Variants in SEM1 observed in about 807,000 individuals in gnomAD.
SEM1 encodes 26S proteasome complex subunit SEM1.
SEM1 carries 3 observed loss-of-function variants against 12.7 expected under a neutral mutation model. The ratio of observed to expected loss-of-function variants is 0.24; its 90% CI spans 0.11 to 0.61. The LOEUF is 0.61. SEM1 is among the 20% of genes least tolerant of loss of function. The pLI, the probability that SEM1 is intolerant of heterozygous loss-of-function variation, is 0.88. For missense variants in SEM1, 59 were observed against 81.3 expected (o/e 0.73, Z 1.06); for synonymous variants, 30 against 27.8 (o/e 1.08, Z -0.25).
chr7:96,585,582 A>T (rs577287260), intron 2 of SEM1, among the ~76,000 whole-genome samples: 1 of 152,210 alleles, frequency 6.6e-6, no homozygotes, highest in Non-Finnish European at 1.5e-5. Context: ...GCTGCCTTGC[A>T]GTTTGATCTC....
chr7:96,597,350 G>A (rs1807032710), intron 2 of SEM1, among the ~76,000 whole-genome samples: 1 of 152,150 alleles, frequency 6.6e-6, no homozygotes, highest in Non-Finnish European at 1.5e-5. Context: ...GAACTTGGAA[G>A]AGGCATATCA....
intron 1 of SEM1, chr7:96,697,296 TTTGGCTAG>T (rs1306067883): frequency 6.6e-6 from 1 of 152,098 alleles, no homozygotes. Context: ...CTTTCTTCAC[TTTGGCTAG>T]TTGAGAATTA....
chr7:96,572,120 C>T (rs568426335), intron 2 of SEM1, among the ~76,000 whole-genome samples: 7 of 152,140 alleles, frequency 4.6e-5, no homozygotes, highest in Non-Finnish European at 7.4e-5. Flanking sequence ...TCTGTGGGAT[C>T]GGTGGTGATA....
chr7:96,632,777 G>GTTTTT (rs1437758372), intron 2 of SEM1, among the ~76,000 whole-genome samples: 1 of 99,048 alleles, frequency 1.0e-5, no homozygotes, highest in African/African-American at 3.2e-5. Context: ...TTTTTTTGTT[G>GTTTTT]TTTTTTGTTT....
downstream of SEM1, among the ~76,000 whole-genome samples, chr7:96,685,388 G>A (rs1201420127): frequency 6.6e-6 from 1 of 152,104 alleles, no homozygotes; most frequent in Non-Finnish European, 1.5e-5. Context: ...AAACATTTAT[G>A]TCTGTATCAA....
At chr7:96,582,778 A>C (rs1398560888) in intron 2 of SEM1, among the ~76,000 whole-genome samples, 7 of 152,202 alleles carry the variant, frequency 4.6e-5, no homozygotes, top group Admixed American at 2.0e-4. Context: ...TTGTAGTATT[A>C]TCTTATGGTA....
At chr7:96,698,302 T>C in intron 1 of SEM1, among the ~76,000 whole-genome samples, 1 of 152,110 alleles carries the variant, frequency 6.6e-6, no homozygotes, top group East Asian at 1.9e-4. Flanking sequence ...AATGTACAGG[T>C]CCGTTACATA....
intron 2 of SEM1, among the ~76,000 whole-genome samples, chr7:96,624,081 A>C (rs1368744916): frequency 6.6e-6 from 1 of 152,168 alleles, no homozygotes; most frequent in Non-Finnish European, 1.5e-5. Context: ...TTTCCAAATA[A>C]GGTAACATTC....
intron 2 of SEM1, among the ~76,000 whole-genome samples, chr7:96,511,805 GCA>G (rs1026822267): frequency 1.6e-4 from 24 of 152,144 alleles, no homozygotes; most frequent in African/African-American, 5.1e-4. Flanking sequence ...TCACTGGGTT[GCA>G]CAGTCTGTCC....
intron 2 of SEM1, among the ~76,000 whole-genome samples, chr7:96,592,033 C>CT (rs1806845426): frequency 6.6e-6 from 1 of 152,018 alleles, no homozygotes; most frequent in African/African-American, 2.4e-5. Context: ...TAAAGAGGTG[C>CT]TGACAAGAGG....
intron 2 of SEM1, among the ~76,000 whole-genome samples, chr7:96,520,671 G>C (rs1440726105): frequency 6.6e-6 from 1 of 152,126 alleles, no homozygotes; most frequent in Non-Finnish European, 1.5e-5. Flanking sequence ...TATAGGTTAA[G>C]AGGCAGCATA....
At chr7:96,557,906 T>C (rs1296120118) in intron 2 of SEM1, among the ~76,000 whole-genome samples, 1 of 152,196 alleles carries the variant, frequency 6.6e-6, no homozygotes, top group Non-Finnish European at 1.5e-5. Flanking sequence ...AGCCGTTTTT[T>C]AAGGCCGTTG....
intron 2 of SEM1, among the ~76,000 whole-genome samples, chr7:96,539,520 A>G (rs1804884956): frequency 1.3e-5 from 2 of 151,858 alleles, no homozygotes; most frequent in Non-Finnish European, 2.9e-5. Context: ...ATGGTAAGCT[A>G]AAAACAAACA....
At chr7:96,706,585 A>C (rs1563122411) in intron 1 of SEM1, among the ~76,000 whole-genome samples, 1 of 150,390 alleles carries the variant, frequency 6.6e-6, no homozygotes, top group East Asian at 1.9e-4. Flanking sequence ...AAAAAAAAAA[A>C]AAAAAAAAAA....
chr7:96,551,166 G>A (rs1257611486), intron 2 of SEM1, among the ~76,000 whole-genome samples: 1 of 152,104 alleles, frequency 6.6e-6, no homozygotes, highest in Non-Finnish European at 1.5e-5. Flanking sequence ...GGGTTAGATA[G>A]GAAAGACTTT....
At chr7:96,512,094 G>T (rs1292169930) in intron 2 of SEM1, among the ~76,000 whole-genome samples, 1 of 152,034 alleles carries the variant, frequency 6.6e-6, no homozygotes, top group African/African-American at 2.4e-5. Flanking sequence ...ACAGCTTTTG[G>T]ACACTGTGCT....
At chr7:96,530,616 C>G (rs1325213170) in intron 2 of SEM1, among the ~76,000 whole-genome samples, 1 of 152,082 alleles carries the variant, frequency 6.6e-6, no homozygotes, top group Non-Finnish European at 1.5e-5. Context: ...ATAAACTGTC[C>G]CAGTGATGCC....
chr7:96,581,971 C>T (rs1806426788), intron 2 of SEM1, among the ~76,000 whole-genome samples: 1 of 150,578 alleles, frequency 6.6e-6, no homozygotes, highest in South Asian at 2.1e-4. Context: ...ATTTCCTTCT[C>T]CTGCCTAATT....
At chr7:96,632,571 G>A (rs1182640045) in intron 2 of SEM1, among the ~76,000 whole-genome samples, 2 of 152,158 alleles carry the variant, frequency 1.3e-5, no homozygotes, top group Admixed American at 1.3e-4. Context: ...CGGACTAGGG[G>A]AGGGATAGCA....
Sources: allele counts gnomAD v4.1 joint callset (sites outside exome capture counted in the v4.1 genomes callset), GRCh38; gene constraint gnomAD v4.1.1; transcripts MANE v1.5; gene names NCBI Gene and HGNC (gene_info 2026-07-23, HGNC 2026-07-21).